TPTE2: variants seen among roughly 807,000 people sequenced by gnomAD.
TPTE2 encodes the protein phosphatidylinositol 3,4,5-trisphosphate 3-phosphatase TPTE2.
TPTE2 carries 53 observed loss-of-function variants against 78.6 expected under a neutral mutation model. The observed-to-expected ratio is 0.67, with a 90% CI of 0.54 to 0.85. The LOEUF is 0.85. Among genes scored for constraint, TPTE2 ranks in the 40% least tolerant of loss-of-function variants. TPTE2 has a pLI of 0.00. For missense variants in TPTE2, 461 were observed against 623.0 expected, an observed-to-expected ratio of 0.74 and a Z score of 2.77; for synonymous variants, 175 against 206.2, an observed-to-expected ratio of 0.85 and a Z score of 1.30.
upstream of TPTE2, among the ~76,000 whole-genome samples, chr13:19,507,512 T>C (rs976556838): frequency 2.6e-5 from 4 of 152,104 alleles, no homozygotes; most frequent in Non-Finnish European, 5.9e-5. Context: ...ATCTCCAAAG[T>C]CCAGGTTACA....
the TPTE2 span, among the ~76,000 whole-genome samples, chr13:19,559,006 C>A: frequency 3.3e-5 from 5 of 152,218 alleles, no homozygotes; most frequent in African/African-American, 1.2e-4. Context: ...AAAGTCTAGT[C>A]AAATAAGATC....
chr13:19,511,224 AG>A (rs1459535670), intron 1 of TPTE2, among the ~76,000 whole-genome samples: 1 of 152,232 alleles, frequency 6.6e-6, no homozygotes, highest in African/African-American at 2.4e-5. Context: ...GTTCCTCACT[AG>A]GGGATGCATG....
At chr13:19,520,667 TTTC>T (rs2137718740) in intron 1 of TPTE2, among the ~76,000 whole-genome samples, 1 of 152,104 alleles carries the variant, frequency 6.6e-6, no homozygotes, top group South Asian at 2.1e-4. Flanking sequence ...CTTCTTCTAG[TTTC>T]TTTAGGTAGA....
At chr13:19,528,778 C>T (rs574489959) in intron 1 of TPTE2, among the ~76,000 whole-genome samples, 172 of 152,274 alleles carry the variant, frequency 1.1e-3, no homozygotes, top group Non-Finnish European at 2.1e-3. Flanking sequence ...ATCTCAGAGA[C>T]GGTTGGTGGC....
chr13:19,494,391 G>A (rs1439644809), intron 1 of TPTE2, among the ~76,000 whole-genome samples: 1 of 152,116 alleles, frequency 6.6e-6, no homozygotes, highest in African/African-American at 2.4e-5. Flanking sequence ...GTGTGTGTGT[G>A]TACATCTTTT....
chr13:19,462,351 G>T (rs532712228), intron 10 of TPTE2, among the ~76,000 whole-genome samples: 1 of 151,742 alleles, frequency 6.6e-6, no homozygotes, highest in Non-Finnish European at 1.5e-5. Flanking sequence ...CATTTCTAGG[G>T]GATAGCTCTA....
At chr13:19,561,371 C>T in the TPTE2 span, 42 of 480,698 alleles carry the variant, frequency 8.7e-5, no homozygotes, top group Middle Eastern at 1.1e-3. Context: ...CTCTAATATT[C>T]CCGCTGTCGC....
intron 3 of TPTE2, among the ~76,000 whole-genome samples, chr13:19,487,588 G>A (rs1033507023): frequency 2.0e-5 from 3 of 152,194 alleles, no homozygotes; most frequent in South Asian, 2.1e-4. Flanking sequence ...GAAGTGTGGT[G>A]GTGGGGGTTG....
intron 5 of TPTE2, among the ~76,000 whole-genome samples, chr13:19,474,547 A>C (rs1367673499): frequency 6.6e-6 from 1 of 152,230 alleles, no homozygotes. Context: ...TAAGCTCTTA[A>C]AAGACCAAGA....
At position 19,484,415 on chromosome 13, in the gene TPTE2, T is replaced by C. The variant is rs368725560; in HGVS notation, c.120-1868A>G. On this transcript the variant is annotated intron_variant, in intron 3 of 19. Transcript: ENST00000400230. ...TCTTGGATAATGTTTCATGTGCTGA[T>C]GAAAAGAATGTGTATTCTGCAGCTG... 9.1e-4 allele frequency among the ~76,000 whole-genome samples: 139 copies of C among 152,366 alleles called. 2 individuals are homozygous for C. In the South Asian group the frequency reaches 0.028, roughly 31 times the overall value.
the TPTE2 span, among the ~76,000 whole-genome samples, chr13:19,543,386 T>C: frequency 4.4e-4 from 34 of 77,658 alleles, no homozygotes; most frequent in South Asian, 0.018. Context: ...AGAGAGAGAG[T>C]TTCACTCTTG....
At chr13:19,521,392 TTTAG>T (rs1205799892) in intron 1 of TPTE2, among the ~76,000 whole-genome samples, 7 of 152,050 alleles carry the variant, frequency 4.6e-5, no homozygotes, top group Non-Finnish European at 8.8e-5. Context: ...CATCTCTTTA[TTTAG>T]TTAGTTAGTT....
chr13:19,543,497 C>T, the TPTE2 span, among the ~76,000 whole-genome samples: 1,631 of 151,730 alleles, frequency 0.011, 28 homozygotes, highest in African/African-American at 0.037. Flanking sequence ...GCTGGGACTA[C>T]AAGCACCTGC....
At chr13:19,473,968 A>T in exon 6 of TPTE2, 1 of 1,608,320 alleles carries the variant, frequency 6.2e-7, no homozygotes, top group Non-Finnish European at 8.5e-7. Context: ...GCCAATAGCT[A>T]GAGAAATAGA....
chr13:19,504,123 C>T (rs993085181), upstream of TPTE2, among the ~76,000 whole-genome samples: 9 of 152,124 alleles, frequency 5.9e-5, no homozygotes, highest in African/African-American at 2.2e-4. Context: ...GGCAGCGCTA[C>T]AGAATTTAAA....
At chr13:19,515,653 A>T (rs1346488224) in intron 1 of TPTE2, among the ~76,000 whole-genome samples, 1 of 152,352 alleles carries the variant, frequency 6.6e-6, no homozygotes, top group East Asian at 1.9e-4. Context: ...GAAGAAAGGC[A>T]TCTATAGGCA....
At position 19,424,883 on chromosome 13, in the gene TPTE2, A is replaced by C. The variant is rs543096931; in HGVS notation, c.1466+64T>G. On this transcript the variant is annotated intron_variant, in intron 19 of 19. Coordinates refer to ENST00000400230, the Ensembl canonical transcript of TPTE2. ...TATGACAACCAGCAAAAGACTTGCC[A>C]TTACACCTTATTTATAGACATTGAA... 9.0e-5 allele frequency: 94 copies of C among 1,039,418 alleles called. 1 individual carries two copies. The South Asian group carries it at 1.4e-3, about 16-fold the overall frequency. 64.4% of individuals were successfully genotyped at this position (1,039,418 alleles called of 1,614,324 possible). A position where few individuals can be genotyped will look rare whatever the true frequency, so the allele number is the denominator to read the frequency against.
chr13:19,528,231 T>C (rs542990339), intron 1 of TPTE2, among the ~76,000 whole-genome samples: 1 of 150,392 alleles, frequency 6.6e-6, no homozygotes, highest in Non-Finnish European at 1.5e-5. Context: ...AAAAAAAATA[T>C]AAAAAATTAG....
At chr13:19,510,939 A>T (rs926172807) in intron 1 of TPTE2, among the ~76,000 whole-genome samples, 7 of 152,212 alleles carry the variant, frequency 4.6e-5, no homozygotes. Flanking sequence ...TATTAGATTG[A>T]TTATATAAAT....
Sources: gnomAD v4.1 joint callset for allele counts (sites outside exome capture counted in the v4.1 genomes callset) on GRCh38, gnomAD v4.1.1 for gene constraint, MANE v1.5 for transcripts, NCBI Gene and HGNC (gene_info 2026-07-23, HGNC 2026-07-21) for gene names.